Variants in MCF2L2 observed in about 807,000 individuals in gnomAD.
The protein encoded by MCF2L2 is probable guanine nucleotide exchange factor MCF2L2.
MCF2L2 carries 102 observed loss-of-function variants against 150.2 expected under a neutral mutation model. That is an observed-to-expected ratio of 0.68 (90% confidence interval 0.58 to 0.80). The LOEUF (loss-of-function observed/expected upper bound fraction) is 0.80. Among genes scored for constraint, MCF2L2 ranks in the 30% least tolerant of loss-of-function variants. The pLI, the probability that MCF2L2 is intolerant of heterozygous loss-of-function variation, is 0.00. For missense variants in MCF2L2, 1,256 were observed against 1,372.8 expected (o/e 0.91, Z 1.34); for synonymous variants, 465 against 491.3 (o/e 0.95, Z 0.71).
chr3:183,231,157 T>G, intron 15 of MCF2L2, 140 bp from the exon 16 acceptor site: 1 of 713,326 alleles, frequency 1.4e-6, no homozygotes, highest in South Asian at 1.5e-5. Context: ...GGTCAGTTCA[T>G]TCTGTTCTAT....
intron 18 of MCF2L2, chr3:183,225,164 A>G (rs1472020717): frequency 6.6e-6 from 1 of 152,262 alleles, no homozygotes; most frequent in African/African-American, 2.4e-5. Flanking sequence ...TCTACTCCCA[A>G]ATACATTGCT....
chr3:183,265,047 T>G (rs1425173655), intron 15 of MCF2L2, among the ~76,000 whole-genome samples: 1 of 152,214 alleles, frequency 6.6e-6, no homozygotes, highest in African/African-American at 2.4e-5. Context: ...TTCTAAGCAA[T>G]TCTTTGTCCT....
At chr3:183,208,239 G>T (rs189449815) in intron 22 of MCF2L2, among the ~76,000 whole-genome samples, 4 of 152,144 alleles carry the variant, frequency 2.6e-5, no homozygotes, top group African/African-American at 9.7e-5. Context: ...TGGCTGCATT[G>T]CGGACCCATG....
chr3:183,369,676 CA>C (rs1236658062), intron 3 of MCF2L2, among the ~76,000 whole-genome samples: 5 of 152,178 alleles, frequency 3.3e-5, no homozygotes, highest in African/African-American at 1.2e-4. Context: ...CTATGCTTCC[CA>C]GCCTGTCAGA....
intron 5 of MCF2L2, among the ~76,000 whole-genome samples, chr3:183,323,638 A>T (rs113305666): frequency 0.13 from 19,437 of 148,074 alleles, 1,328 homozygotes; most frequent in African/African-American, 0.15. Context: ...GAAAAAAAAT[A>T]AAAAAAAAAA....
In MCF2L2 at chr3:183,207,777, C is replaced by A; in HGVS notation, c.2543G>T (p.Ser848Ile). 1 of 1,614,218 alleles carries A rather than the reference C, an allele frequency of 6.2e-7. No individual in the cohort carries two copies. The highest frequency in any genetic ancestry group is 8.5e-7 in the Non-Finnish European group (1 of 1,180,030). The stretch of plus-strand genomic sequence containing the variant: ...ACGATCCTTGTGAATTGTCCAGACG[C>A]TGAAAGGGCCGTGCAGCAACAGCTT... ...LGKLLLHGPFSVWTIHKDRYK... is the reference protein window; with the variant it reads ...LGKLLLHGPFIVWTIHKDRYK... The change falls in exon 23 of 30, where the codon AGC becomes ATC. Residue 848 changes from serine (S) to isoleucine (I), a missense_variant. By Grantham distance (142) the Ser-to-Ile change is moderately radical. Coordinates refer to ENST00000328913, the MANE Select transcript of MCF2L2 (RefSeq NM_015078.4).
intron 2 of MCF2L2, among the ~76,000 whole-genome samples, chr3:183,383,544 G>GT (rs1297111053): frequency 4.0e-5 from 6 of 151,222 alleles, no homozygotes; most frequent in African/African-American, 7.3e-5. Flanking sequence ...CGGCCAAGAG[G>GT]TTTTTTTTTA....
intron 1 of MCF2L2, among the ~76,000 whole-genome samples, chr3:183,392,056 C>A (rs1227105789): frequency 6.6e-6 from 1 of 152,040 alleles, no homozygotes; most frequent in African/African-American, 2.4e-5. Flanking sequence ...CCTGGCCAAG[C>A]AAGCATATTT....
chr3:183,427,712 G>A (rs1171733242), intron 1 of MCF2L2, among the ~76,000 whole-genome samples, 190 bp downstream of exon 1: 1 of 151,028 alleles, frequency 6.6e-6, no homozygotes, highest in Non-Finnish European at 1.5e-5. Flanking sequence ...CCCCACCAGC[G>A]GCGCGCCCCA....
chr3:183,380,848 T>C (rs1238370088), intron 2 of MCF2L2, among the ~76,000 whole-genome samples: 4 of 152,228 alleles, frequency 2.6e-5, no homozygotes, highest in Admixed American at 6.5e-5. Flanking sequence ...AAGGTGGTGA[T>C]ATCTAGTTTG....
chr3:183,358,633 T>C (rs1196931170), intron 3 of MCF2L2, among the ~76,000 whole-genome samples: 2 of 152,164 alleles, frequency 1.3e-5, no homozygotes, highest in African/African-American at 4.8e-5. Context: ...TTTTTGTTGT[T>C]GTTCAGAAAC....
intron 25 of MCF2L2, among the ~76,000 whole-genome samples, chr3:183,203,013 A>G (rs1462649425): frequency 2.0e-5 from 3 of 152,220 alleles, no homozygotes; most frequent in Non-Finnish European, 4.4e-5. Context: ...GTTTGAGACC[A>G]GCCTGACCAA....
At chr3:183,271,003 T>C in intron 15 of MCF2L2, 5 of 1,412,072 alleles carry the variant, frequency 3.5e-6, no homozygotes, top group Non-Finnish European at 4.8e-6. Flanking sequence ...CCTTTAAATG[T>C]TCGTCTATAC....
intron 15 of MCF2L2, chr3:183,272,810 G>GT (rs1726897062): frequency 8.3e-7 from 1 of 1,201,514 alleles, no homozygotes; most frequent in African/African-American, 1.6e-5. Flanking sequence ...ACTTGGAAGT[G>GT]TTTAAGGTTG....
At chr3:183,404,690 G>A (rs1178994277) in intron 1 of MCF2L2, among the ~76,000 whole-genome samples, 5 of 151,958 alleles carry the variant, frequency 3.3e-5, no homozygotes, top group African/African-American at 1.2e-4. Context: ...GTGAAACCCC[G>A]TCTCTACTAA....
chr3:183,212,291 G>A (rs1023553789), intron 22 of MCF2L2, among the ~76,000 whole-genome samples: 2 of 152,152 alleles, frequency 1.3e-5, no homozygotes, highest in African/African-American at 2.4e-5. Flanking sequence ...GGTTCCTTGC[G>A]ACATCAGCCC....
chr3:183,296,892 T>G, intron 12 of MCF2L2, 84 bp downstream of exon 12: 1 of 1,411,164 alleles, frequency 7.1e-7, no homozygotes, highest in Non-Finnish European at 9.7e-7. Context: ...GTACCCTGTG[T>G]GTACTTTATC....
At chr3:183,408,858 T>G (rs1041361754) in intron 1 of MCF2L2, among the ~76,000 whole-genome samples, 7 of 152,242 alleles carry the variant, frequency 4.6e-5, no homozygotes, top group African/African-American at 1.7e-4. Flanking sequence ...GCATACAGTT[T>G]GTACTTATAA....
chr3:183,416,891 C>T (rs760990611), intron 1 of MCF2L2, among the ~76,000 whole-genome samples: 11 of 151,702 alleles, frequency 7.3e-5, no homozygotes. Context: ...GGGTGGATCA[C>T]GAGGTCAGGA....
Sources: gnomAD v4.1 joint callset for allele counts (sites outside exome capture counted in the v4.1 genomes callset) on GRCh38, gnomAD v4.1.1 for gene constraint, MANE v1.5 for transcripts, NCBI Gene and HGNC (gene_info 2026-07-23, HGNC 2026-07-21) for gene names.